The following ANXA7 variants were observed in gnomAD, a reference collection of about 807,000 sequenced individuals.
ANXA7 encodes annexin A7, also known as annexin VII.
Under a neutral mutation model 64.9 loss-of-function variants are expected in ANXA7, and 55 were observed. The ratio of observed to expected loss-of-function variants is 0.85; its 90% CI spans 0.68 to 1.06. The LOEUF (loss-of-function observed/expected upper bound fraction) is 1.06. Among genes scored for constraint, ANXA7 ranks in the 50% least tolerant of loss-of-function variants. The pLI is 0.00. For missense variants in ANXA7, 548 were observed against 582.1 expected (o/e 0.94, Z 0.60); for synonymous variants, 200 against 192.4 (o/e 1.04, Z -0.33).
chr10:73,412,643 G>A (rs1258751283), intron 1 of ANXA7, among the ~76,000 whole-genome samples: 3 of 151,400 alleles, frequency 2.0e-5, no homozygotes, highest in South Asian at 2.1e-4. Context: ...ACAGGCGCGC[G>A]CCACCACGCC....
chr10:73,383,570 G>A lies in ANXA7; in HGVS notation c.747+7C>T, dbSNP rs2055310023. 1.3e-6 allele frequency: 2 copies of A among 1,579,972 alleles called. No individual in the cohort carries two copies. The highest frequency in any genetic ancestry group is 4.5e-5 in the East Asian group (2 of 44,708). On this transcript the variant is annotated splice_region_variant and intron_variant, in intron 8 of 12. Transcript: ENST00000372921. ...AAATATTCATAATAAATGACATATA[G>A]TAGTACCTGCATTGCTTTCCGTAAG...
chr10:73,410,768 C>T (rs942080271), intron 1 of ANXA7, among the ~76,000 whole-genome samples: 3 of 137,436 alleles, frequency 2.2e-5, no homozygotes. Flanking sequence ...GCAACGAGAG[C>T]GAGACTCCAT....
At chr10:73,394,005 A>T (rs1198014883) in intron 5 of ANXA7, among the ~76,000 whole-genome samples, 1 of 152,180 alleles carries the variant, frequency 6.6e-6, no homozygotes, top group Non-Finnish European at 1.5e-5. Context: ...ACTTAAACAA[A>T]TTTACAAGAA....
At chr10:73,386,026 T>C (rs11000635) in intron 7 of ANXA7, among the ~76,000 whole-genome samples, 15,928 of 151,992 alleles carry the variant, frequency 0.1, 1,204 homozygotes, top group East Asian at 0.3. Context: ...CCACACTTGC[T>C]AACATGGCAA....
intron 12 of ANXA7, among the ~76,000 whole-genome samples, chr10:73,377,022 G>C (rs2055181829): frequency 6.6e-6 from 1 of 152,164 alleles, no homozygotes; most frequent in Non-Finnish European, 1.5e-5. Context: ...GGAGAATGGG[G>C]AGTTACTGTT....
intron 3 of ANXA7, 32 bp from the exon 4 acceptor site, chr10:73,397,306 T>G (rs759527327): frequency 2.8e-6 from 4 of 1,407,342 alleles, no homozygotes; most frequent in Non-Finnish European, 4.0e-6. Context: ...TAAACTATAG[T>G]ACAGTTCTCA....
intron 1 of ANXA7, among the ~76,000 whole-genome samples, chr10:73,409,230 C>T (rs1052594192): frequency 3.9e-5 from 6 of 152,188 alleles, no homozygotes; most frequent in Admixed American, 1.3e-4. Flanking sequence ...CAAACTATCA[C>T]TGTTTGCAGA....
At chr10:73,404,007 G>T (rs1589664433) in intron 1 of ANXA7, among the ~76,000 whole-genome samples, 1 of 152,196 alleles carries the variant, frequency 6.6e-6, no homozygotes, top group Non-Finnish European at 1.5e-5. Context: ...TAACTGCTAT[G>T]ATCATAGAGA....
intron 7 of ANXA7, 84 bp downstream of exon 7, chr10:73,387,605 T>C (rs1023858182): frequency 3.8e-6 from 4 of 1,042,276 alleles, no homozygotes; most frequent in African/African-American, 1.6e-5. Context: ...CCACAGGTAC[T>C]AATCAAAATA....
chr10:73,383,558 A>T lies in ANXA7; in HGVS notation c.747+19T>A. 2 of 1,550,260 alleles carry T rather than the reference A, an allele frequency of 1.3e-6. No homozygotes were observed. The highest frequency in any genetic ancestry group is 1.8e-6 in the Non-Finnish European group (2 of 1,124,590). On this transcript the variant is annotated intron_variant, in intron 8 of 12. Transcript: ENST00000372921. ...TGAAATAGGACAAAATATTCATAAT[A>T]AATGACATATAGTAGTACCTGCATT...
Position 73,377,930 on chromosome 10 carries a change from T to TGTGTGTGTGC in ANXA7, c.1278+980_1278+981insGCACACACAC, listed in dbSNP as rs542289005. On this transcript the variant is annotated intron_variant, in intron 12 of 12. Coordinates refer to ENST00000372921, the MANE Select transcript of ANXA7 (RefSeq NM_001156.5). ...GTGTGTGTGTGTGTGTGTGTGTGTGTGCGCGCGCGTGTGTTTTTTGTAGAA... is the reference window on the plus strand; with the variant it reads ...GTGTGTGTGTGTGTGTGTGTGTGTGTGTGTGTGTGCGCGCGCGCGTGTGTTTTTTGTAGAA... 7.4e-3 allele frequency among the ~76,000 whole-genome samples: 1,051 copies of TGTGTGTGTGC among 142,554 alleles called. 23 individuals are homozygous for TGTGTGTGTGC. The highest frequency in any genetic ancestry group is 0.023 in the African/African-American group (828 of 35,482). The allele number at this position is 142,554 out of a possible 152,430, so 93.5% of individuals were successfully genotyped here.
chr10:73,376,798 A>G (rs2055177846), intron 12 of ANXA7, among the ~76,000 whole-genome samples: 1 of 152,206 alleles, frequency 6.6e-6, no homozygotes, highest in South Asian at 2.1e-4. Flanking sequence ...AAAAGGTGGG[A>G]TACACGTACA....
rs529166561 is a variant in ANXA7 at position 73,385,032 on chromosome 10, A to C, written c.634-1342T>G. Among the ~76,000 whole-genome samples the C allele has an allele frequency of 4.6e-5, 7 of 152,316 alleles. No individual in the cohort carries two copies. The East Asian group carries it at 1.3e-3, about 29-fold the overall frequency. On this transcript the variant is annotated intron_variant, in intron 7 of 12. Coordinates refer to ENST00000372921, the MANE Select transcript of ANXA7 (RefSeq NM_001156.5). ...GACTCAGAGATTCTGTGTATTTTTA[A>C]GTTTTAAAGGAAATTACGATGTTCA... is the stretch of plus-strand genomic sequence containing the variant.
At chr10:73,402,867 C>T (rs1470398799) in intron 1 of ANXA7, among the ~76,000 whole-genome samples, 1 of 151,916 alleles carries the variant, frequency 6.6e-6, no homozygotes, top group Non-Finnish European at 1.5e-5. Context: ...CTCTGTCGCC[C>T]AGGCTGGAGT....
intron 1 of ANXA7, among the ~76,000 whole-genome samples, chr10:73,401,625 G>C (rs539907034): frequency 2.0e-5 from 3 of 151,882 alleles, no homozygotes; most frequent in Admixed American, 2.0e-4. Context: ...TCAGCCTCCC[G>C]AGTAGCTGGG....
chr10:73,381,291 A>T (rs1183498011), intron 9 of ANXA7: 1 of 152,154 alleles, frequency 6.6e-6, no homozygotes, highest in African/African-American at 2.4e-5. Flanking sequence ...GCTACAAATA[A>T]CTCATGTTCT....
intron 2 of ANXA7, among the ~76,000 whole-genome samples, chr10:73,399,300 T>C (rs765629738): frequency 6.6e-6 from 1 of 152,204 alleles, no homozygotes; most frequent in Non-Finnish European, 1.5e-5. Flanking sequence ...CACTGAGATT[T>C]GGGAGTTGTC....
In ANXA7 at chr10:73,376,076, A is replaced by T. The variant is rs1304397588; in HGVS notation, c.*19T>A. On this transcript the variant is annotated 3_prime_UTR_variant, in exon 13 of 13. Coordinates refer to ENST00000372921, the MANE Select transcript of ANXA7 (RefSeq NM_001156.5). ...CTATGAATAGAAATTTTTTTTCATTAAAAAAAAAAAAATCCCTCCTACTGG... is the reference window on the plus strand; with the variant it reads ...CTATGAATAGAAATTTTTTTTCATTTAAAAAAAAAAAATCCCTCCTACTGG... The T allele has an allele frequency of 2.7e-5, 6 of 224,684 alleles. No homozygotes were observed. The highest frequency in any genetic ancestry group is 1.2e-4 in the South Asian group (1 of 8,516). The allele number at this position is 224,684 out of a possible 1,614,324, so 13.9% of individuals were successfully genotyped here.
At chr10:73,387,586 T>A (rs958218342) in intron 7 of ANXA7, 103 bp downstream of exon 7, 6 of 895,230 alleles carry the variant, frequency 6.7e-6, no homozygotes, top group Middle Eastern at 2.3e-4. Context: ...TAGTTGTCCC[T>A]CTTTTGCACC....
Sources: gnomAD v4.1 joint callset for allele counts (sites outside exome capture counted in the v4.1 genomes callset) on GRCh38, gnomAD v4.1.1 for gene constraint, MANE v1.5 for transcripts, NCBI Gene and HGNC (gene_info 2026-07-23, HGNC 2026-07-21) for gene names.